FMN1: variants seen among roughly 807,000 people sequenced by gnomAD.
The protein encoded by FMN1 is formin-1.
FMN1 carries 110 observed loss-of-function variants against 132.4 expected under a neutral mutation model. The observed-to-expected ratio is 0.83, with a 90% CI of 0.71 to 0.97. The LOEUF (loss-of-function observed/expected upper bound fraction) is 0.97. Ranked by LOEUF, FMN1 falls within the 50% of genes least tolerant of loss-of-function variation. The probability of loss-of-function intolerance (pLI) is 0.00; values close to 1 mark genes in which losing one functional copy is unlikely to be tolerated. For synonymous variants in FMN1, 722 were observed against 651.7 expected (o/e 1.11, Z -1.64); for missense variants, 1,792 against 1,705.3 (o/e 1.05, Z -0.90).
intron 4 of FMN1, among the ~76,000 whole-genome samples, chr15:33,120,842 AT>A (rs1683228340): frequency 6.9e-6 from 1 of 144,952 alleles, no homozygotes; most frequent in African/African-American, 2.9e-5. Flanking sequence ...TTTCTTTTGA[AT>A]CTACTTTCCA....
intron 19 of FMN1, among the ~76,000 whole-genome samples, chr15:32,783,328 G>C (rs2056732611): frequency 6.6e-6 from 1 of 152,066 alleles, no homozygotes; most frequent in East Asian, 1.9e-4. Flanking sequence ...GCTCCCTAAG[G>C]AGTTATTGGG....
At chr15:32,818,655 CTACT>C (rs1279809463) in intron 17 of FMN1, among the ~76,000 whole-genome samples, 2 of 152,078 alleles carry the variant, frequency 1.3e-5, no homozygotes, top group Non-Finnish European at 2.9e-5. Flanking sequence ...CTAATATATA[CTACT>C]TATTCTGTAT....
intron 16 of FMN1, among the ~76,000 whole-genome samples, chr15:32,872,915 G>A (rs1319391197): frequency 2.7e-5 from 4 of 150,626 alleles, no homozygotes; most frequent in African/African-American, 9.8e-5. Flanking sequence ...AGAAATGACA[G>A]AAAGGCATAA....
At chr15:33,104,595 C>T (rs1413837074) in intron 4 of FMN1, among the ~76,000 whole-genome samples, 1 of 151,894 alleles carries the variant, frequency 6.6e-6, no homozygotes, top group Non-Finnish European at 1.5e-5. Context: ...ACTGAGAACT[C>T]AATCAGCTAA....
Position 32,945,508 on chromosome 15 carries a change from A to G in FMN1, c.3138+18599T>C, listed in dbSNP as rs118091005. Among the ~76,000 whole-genome samples, 1,470 of 152,292 alleles carry G rather than the reference A, an allele frequency of 9.7e-3. 37 individuals are homozygous for G. The highest frequency in any genetic ancestry group is 0.06 in the Admixed American group (917 of 15,286). ...AACTTCAACCCAGTCTCACACACGT[A>G]TATCTTTGGTGGCTTAAATAGGGCT... On this transcript the variant is annotated intron_variant, in intron 9 of 20. Coordinates refer to ENST00000616417, the MANE Select transcript of FMN1 (RefSeq NM_001277313.2).
intron 4 of FMN1, among the ~76,000 whole-genome samples, chr15:33,089,212 T>C (rs902399162): frequency 6.6e-6 from 1 of 152,188 alleles, no homozygotes; most frequent in Non-Finnish European, 1.5e-5. Flanking sequence ...CTGTACTCTA[T>C]GCCCCATATT....
At chr15:32,901,830 A>C (rs1054433343) in intron 13 of FMN1, 81 bp downstream of exon 13, 24 of 1,194,922 alleles carry the variant, frequency 2.0e-5, no homozygotes, top group Non-Finnish European at 2.6e-5. Context: ...AGGTTTCTAT[A>C]ATGGCATTAA....
chr15:33,043,432 A>G (rs756787879), intron 6 of FMN1, among the ~76,000 whole-genome samples: 1 of 152,110 alleles, frequency 6.6e-6, no homozygotes, highest in Non-Finnish European at 1.5e-5. Flanking sequence ...TCTCACTTCC[A>G]TTTCCTGTAC....
At chr15:32,858,422 T>C (rs1290903876) in intron 16 of FMN1, among the ~76,000 whole-genome samples, 3 of 152,202 alleles carry the variant, frequency 2.0e-5, no homozygotes, top group African/African-American at 7.2e-5. Context: ...AAGTACAATT[T>C]GAGGGAACCC....
At chr15:32,952,989 G>A (rs1036758716) in intron 9 of FMN1, among the ~76,000 whole-genome samples, 2 of 152,134 alleles carry the variant, frequency 1.3e-5, no homozygotes, top group African/African-American at 4.8e-5. Flanking sequence ...GAAGCTAAAG[G>A]CAGTCCTCCC....
At chr15:33,014,077 C>T (rs895029304) in intron 6 of FMN1, among the ~76,000 whole-genome samples, 4 of 152,190 alleles carry the variant, frequency 2.6e-5, no homozygotes, top group African/African-American at 9.7e-5. Flanking sequence ...AGGAAACACA[C>T]TCCCATCCCA....
intron 3 of FMN1, among the ~76,000 whole-genome samples, chr15:33,155,404 C>G (rs546049690): frequency 1.3e-5 from 2 of 152,172 alleles, no homozygotes; most frequent in East Asian, 3.9e-4. Flanking sequence ...AAGTCCTTAT[C>G]TAGGGGGCTT....
intron 16 of FMN1, among the ~76,000 whole-genome samples, chr15:32,882,967 G>GT (rs2059806885): frequency 6.6e-6 from 1 of 152,264 alleles, no homozygotes; most frequent in African/African-American, 2.4e-5. Context: ...CAGCATGGCT[G>GT]TAAGAAGCCA....
At chr15:33,065,976 A>G (rs1039805525) in intron 5 of FMN1, among the ~76,000 whole-genome samples, 7 of 152,206 alleles carry the variant, frequency 4.6e-5, no homozygotes, top group Middle Eastern at 3.2e-3. Context: ...TATCAAGGTT[A>G]CCCAGCCAGT....
intron 6 of FMN1, among the ~76,000 whole-genome samples, chr15:33,051,601 T>C (rs1476490378): frequency 3.3e-5 from 5 of 151,936 alleles, no homozygotes; most frequent in Admixed American, 3.3e-4. Flanking sequence ...ATCTCAGGAG[T>C]TGGGTGAGTG....
At chr15:33,067,166 G>T in intron 5 of FMN1, 8 of 1,613,910 alleles carry the variant, frequency 5.0e-6, no homozygotes, top group Non-Finnish European at 6.8e-6. Context: ...TAGGTCTTGG[G>T]ACCCTTCTTC....
chr15:33,168,700 G>A (rs1331660203), intron 3 of FMN1, among the ~76,000 whole-genome samples: 1 of 152,224 alleles, frequency 6.6e-6, no homozygotes, highest in Non-Finnish European at 1.5e-5. Context: ...GTTGGCTGTG[G>A]CTGTGGACAG....
At chr15:33,028,394 G>A (rs1002445778) in intron 6 of FMN1, among the ~76,000 whole-genome samples, 1 of 152,116 alleles carries the variant, frequency 6.6e-6, no homozygotes, top group African/African-American at 2.4e-5. Flanking sequence ...ACTTTGCAGT[G>A]AGCCAAGAGC....
chr15:32,813,216 T>C (rs1388674513), intron 17 of FMN1, among the ~76,000 whole-genome samples: 2 of 152,134 alleles, frequency 1.3e-5, no homozygotes, highest in Non-Finnish European at 2.9e-5. Context: ...TCCATAAGGG[T>C]CCTGGAACCA....
Sources: allele counts gnomAD v4.1 joint callset (sites outside exome capture counted in the v4.1 genomes callset), GRCh38; gene constraint gnomAD v4.1.1; transcripts MANE v1.5; gene names NCBI Gene and HGNC (gene_info 2026-07-23, HGNC 2026-07-21).